The following RPS6KC1 variants were observed in gnomAD, a reference collection of about 807,000 sequenced individuals.
The protein encoded by RPS6KC1 is inactive ribosomal protein S6 kinase delta-1.
Under a neutral mutation model 103.8 loss-of-function variants are expected in RPS6KC1, and 54 were observed. The observed-to-expected ratio is 0.52, with a 90% CI of 0.42 to 0.65. The LOEUF (loss-of-function observed/expected upper bound fraction) is 0.65, where lower values mean the gene tolerates loss of function less well. Ranked by LOEUF, RPS6KC1 falls within the 30% of genes least tolerant of loss-of-function variation. The probability of loss-of-function intolerance (pLI) is 0.00; values close to 1 mark genes in which losing one functional copy is unlikely to be tolerated. For synonymous variants in RPS6KC1, 439 were observed against 438.7 expected (o/e 1.00, Z -0.01); for missense variants, 1,151 against 1,253.8 (o/e 0.92, Z 1.24).
intron 3 of RPS6KC1, among the ~76,000 whole-genome samples, chr1:213,083,024 T>A (rs2080044880): frequency 6.6e-6 from 1 of 152,156 alleles, no homozygotes; most frequent in Non-Finnish European, 1.5e-5. Flanking sequence ...AACTTGAGAT[T>A]TGTGGCTATC....
chr1:213,686,544 T>C, the RPS6KC1 span, among the ~76,000 whole-genome samples: 2 of 152,194 alleles, frequency 1.3e-5, no homozygotes, highest in Non-Finnish European at 2.9e-5. Flanking sequence ...CCTTATTTTT[T>C]AAAAATGCTA....
the RPS6KC1 span, among the ~76,000 whole-genome samples, chr1:213,504,429 T>C: frequency 6.6e-6 from 1 of 152,236 alleles, no homozygotes; most frequent in East Asian, 1.9e-4. Flanking sequence ...TACTGTCTTA[T>C]CCAGATGTAT....
At chr1:213,641,745 C>T in the RPS6KC1 span, among the ~76,000 whole-genome samples, 5 of 151,970 alleles carry the variant, frequency 3.3e-5, no homozygotes, top group African/African-American at 1.2e-4. Flanking sequence ...TATTCAGAAA[C>T]CATTCACTTC....
At chr1:213,760,880 T>C in the RPS6KC1 span, among the ~76,000 whole-genome samples, 1 of 148,838 alleles carries the variant, frequency 6.7e-6, no homozygotes, top group Non-Finnish European at 1.5e-5. Flanking sequence ...CTCAGCTCAC[T>C]GGCTGCTGTT....
chr1:213,758,285 A>G, the RPS6KC1 span, among the ~76,000 whole-genome samples: 1 of 152,220 alleles, frequency 6.6e-6, no homozygotes, highest in Non-Finnish European at 1.5e-5. Flanking sequence ...CATTAAAAAT[A>G]TTTGTGATTC....
At chr1:213,346,284 A>G in the RPS6KC1 span, among the ~76,000 whole-genome samples, 2 of 152,198 alleles carry the variant, frequency 1.3e-5, no homozygotes, top group Non-Finnish European at 1.5e-5. Flanking sequence ...AAAATTTTAA[A>G]TAATTAACCC....
chr1:213,636,442 A>G, the RPS6KC1 span, among the ~76,000 whole-genome samples: 2 of 152,188 alleles, frequency 1.3e-5, no homozygotes, highest in Admixed American at 1.3e-4. Flanking sequence ...ATCAGAACAG[A>G]GCCCTCAGAA....
the RPS6KC1 span, among the ~76,000 whole-genome samples, chr1:213,729,709 A>C: frequency 6.6e-6 from 1 of 152,284 alleles, no homozygotes; most frequent in South Asian, 2.1e-4. Context: ...TGGCTTTTGC[A>C]GCAGGACTTA....
At chr1:213,647,137 C>T in the RPS6KC1 span, among the ~76,000 whole-genome samples, 2 of 152,148 alleles carry the variant, frequency 1.3e-5, no homozygotes, top group Admixed American at 1.3e-4. Context: ...TCTCGAACTC[C>T]TGACCTCAGG....
At chr1:213,853,429 C>T in the RPS6KC1 span, among the ~76,000 whole-genome samples, 1 of 152,222 alleles carries the variant, frequency 6.6e-6, no homozygotes, top group African/African-American at 2.4e-5. Context: ...TAATAACCTT[C>T]TCAAAGTGCT....
chr1:213,363,630 C>CTT, the RPS6KC1 span, among the ~76,000 whole-genome samples: 1 of 19,916 alleles, frequency 5.0e-5, no homozygotes, highest in East Asian at 9.4e-4. Context: ...TGCTTGCTTT[C>CTT]TTTCTTTCTT....
the RPS6KC1 span, among the ~76,000 whole-genome samples, chr1:213,501,906 T>C: frequency 1.3e-5 from 2 of 152,186 alleles, no homozygotes; most frequent in African/African-American, 4.8e-5. Context: ...ATCTGCAAGT[T>C]TGTAGTCAAG....
At chr1:213,130,395 T>C (rs2085471264) in intron 6 of RPS6KC1, among the ~76,000 whole-genome samples, 1 of 152,228 alleles carries the variant, frequency 6.6e-6, no homozygotes, top group African/African-American at 2.4e-5. Flanking sequence ...TGTAACTGAA[T>C]GTCTGTATAT....
the RPS6KC1 span, among the ~76,000 whole-genome samples, chr1:213,745,441 T>C: frequency 6.6e-6 from 1 of 150,714 alleles, no homozygotes; most frequent in African/African-American, 2.5e-5. Context: ...AAAAAAACAC[T>C]TTCAATTTAG....
the RPS6KC1 span, among the ~76,000 whole-genome samples, chr1:213,860,665 G>A: frequency 2.6e-5 from 4 of 152,158 alleles, no homozygotes; most frequent in African/African-American, 9.7e-5. Flanking sequence ...AGCACTATAT[G>A]TTTAAGGAGT....
At chr1:213,693,446 GT>G in the RPS6KC1 span, among the ~76,000 whole-genome samples, 1 of 152,194 alleles carries the variant, frequency 6.6e-6, no homozygotes, top group Non-Finnish European at 1.5e-5. Context: ...TGGGAAATTT[GT>G]TTTGTTAAGG....
At chr1:213,318,600 G>T in the RPS6KC1 span, among the ~76,000 whole-genome samples, 2 of 152,224 alleles carry the variant, frequency 1.3e-5, no homozygotes, top group African/African-American at 4.8e-5. Context: ...AAGAAAAAGA[G>T]ATTTAATGGA....
the RPS6KC1 span, among the ~76,000 whole-genome samples, chr1:213,366,347 C>T: frequency 6.6e-6 from 1 of 152,202 alleles, no homozygotes; most frequent in Non-Finnish European, 1.5e-5. Context: ...AGGCATAGAA[C>T]CATAACAGCT....
At chr1:213,467,904 A>G in the RPS6KC1 span, among the ~76,000 whole-genome samples, 39 of 152,228 alleles carry the variant, frequency 2.6e-4, no homozygotes, top group East Asian at 1.5e-3. Context: ...ATTGCTGTCA[A>G]TATGCATACA....
Sources: gnomAD v4.1 joint callset for allele counts (sites outside exome capture counted in the v4.1 genomes callset) on GRCh38, gnomAD v4.1.1 for gene constraint, MANE v1.5 for transcripts, NCBI Gene and HGNC (gene_info 2026-07-23, HGNC 2026-07-21) for gene names.